The following SPAG17 variants were observed in gnomAD, a reference collection of about 807,000 sequenced individuals.
SPAG17 encodes sperm associated antigen 17.
Under a neutral mutation model 273.6 loss-of-function variants are expected in SPAG17, and 169 were observed. The observed-to-expected ratio is 0.62, with a 90% CI of 0.55 to 0.70. SPAG17 has a LOEUF of 0.70. Among genes scored for constraint, SPAG17 ranks in the 30% least tolerant of loss-of-function variants. The pLI is 0.00. For missense variants in SPAG17, 2,557 were observed against 2,627.8 expected (o/e 0.97, Z 0.59); for synonymous variants, 825 against 873.2 (o/e 0.94, Z 0.97).
At chr1:118,124,804 T>C (rs1294832518) in intron 3 of SPAG17, among the ~76,000 whole-genome samples, 1 of 152,212 alleles carries the variant, frequency 6.6e-6, no homozygotes, top group Non-Finnish European at 1.5e-5. Flanking sequence ...AGAGATGGGA[T>C]TTGAACCCAG....
intron 1 of SPAG17, among the ~76,000 whole-genome samples, chr1:118,168,871 A>C (rs1660291488): frequency 6.6e-6 from 1 of 152,142 alleles, no homozygotes; most frequent in South Asian, 2.1e-4. Context: ...CAGGCCAGGA[A>C]ACTGCATGGG....
At chr1:118,075,254 T>G (rs2102115510) in intron 15 of SPAG17, among the ~76,000 whole-genome samples, 1 of 152,346 alleles carries the variant, frequency 6.6e-6, no homozygotes, top group East Asian at 1.9e-4. Flanking sequence ...ATACGAGTCA[T>G]GCACACTATG....
intron 1 of SPAG17, among the ~76,000 whole-genome samples, chr1:118,167,029 T>C (rs1198783447): frequency 6.6e-6 from 1 of 152,158 alleles, no homozygotes; most frequent in Non-Finnish European, 1.5e-5. Flanking sequence ...TAACACATTA[T>C]GTTAAAAGTT....
At chr1:117,959,163 A>C in intron 48 of SPAG17, 1 of 1,374,936 alleles carries the variant, frequency 7.3e-7, no homozygotes, top group Non-Finnish European at 9.8e-7. Flanking sequence ...AAAAACAAAC[A>C]AGAAAAGTTC....
chr1:118,167,812 G>A (rs1007782411), intron 1 of SPAG17, among the ~76,000 whole-genome samples: 4 of 152,122 alleles, frequency 2.6e-5, no homozygotes, highest in Non-Finnish European at 4.4e-5. Flanking sequence ...CTGGTGGGAG[G>A]TGACTGGGTC....
intron 3 of SPAG17, among the ~76,000 whole-genome samples, chr1:118,144,178 G>T (rs1375863885): frequency 6.6e-6 from 1 of 152,192 alleles, no homozygotes; most frequent in Non-Finnish European, 1.5e-5. Flanking sequence ...TGATCTGGGA[G>T]GCAAACGTAT....
chr1:118,152,703 T>C (rs559195367), intron 1 of SPAG17, among the ~76,000 whole-genome samples: 2 of 152,324 alleles, frequency 1.3e-5, no homozygotes, highest in Non-Finnish European at 2.9e-5. Flanking sequence ...TCCTCTGTTA[T>C]AATGAGTTGA....
chr1:118,088,423 T>C (rs1340634608), intron 10 of SPAG17, among the ~76,000 whole-genome samples: 1 of 152,332 alleles, frequency 6.6e-6, no homozygotes, highest in Non-Finnish European at 1.5e-5. Context: ...CTGCAAGTTC[T>C]AGAGAGCTTT....
chr1:118,091,209 T>C (rs1408938226), intron 10 of SPAG17, among the ~76,000 whole-genome samples: 5 of 152,118 alleles, frequency 3.3e-5, no homozygotes, highest in African/African-American at 1.2e-4. Context: ...AAAAAGCTGA[T>C]GACAAAAATT....
chr1:117,980,862 T>C (rs1208710822), intron 43 of SPAG17, among the ~76,000 whole-genome samples: 1 of 152,214 alleles, frequency 6.6e-6, no homozygotes, highest in Non-Finnish European at 1.5e-5. Flanking sequence ...ATTTTTCTTC[T>C]AGCACCTGCA....
intron 48 of SPAG17, chr1:117,957,258 A>G: frequency 6.5e-7 from 1 of 1,543,244 alleles, no homozygotes. Context: ...TAGTACCTTA[A>G]CTGAAGCTGT....
intron 1 of SPAG17, among the ~76,000 whole-genome samples, chr1:118,156,975 G>T (rs1191583469): frequency 1.3e-5 from 2 of 152,080 alleles, no homozygotes; most frequent in East Asian, 1.9e-4. Context: ...AGCAACTACT[G>T]CTTGATTCAC....
intron 48 of SPAG17, chr1:117,961,311 GTA>G (rs1396699146): frequency 3.3e-5 from 5 of 152,016 alleles, no homozygotes; most frequent in Non-Finnish European, 1.5e-5. Flanking sequence ...AAAAAAATCT[GTA>G]TAACAGTGGA....
At chr1:118,027,681 C>T (rs1210529592) in intron 26 of SPAG17, among the ~76,000 whole-genome samples, 1 of 152,152 alleles carries the variant, frequency 6.6e-6, no homozygotes, top group Non-Finnish European at 1.5e-5. Flanking sequence ...GCAGATGCCT[C>T]ATCAGGTTAA....
intron 40 of SPAG17, among the ~76,000 whole-genome samples, chr1:117,985,610 T>A (rs768399862): frequency 2.0e-5 from 3 of 152,184 alleles, no homozygotes; most frequent in Non-Finnish European, 4.4e-5. Flanking sequence ...TTTTTCACGT[T>A]AGGAAAATAA....
rs1480671549 is a variant in SPAG17 at position 118,045,866 on chromosome 1, TG to T, written c.2815-3825del. 2.0e-5 allele frequency among the ~76,000 whole-genome samples: 3 copies of T among 152,014 alleles called. No individual in the cohort carries two copies. The East Asian group carries it at 5.8e-4, about 29-fold the overall frequency. ...CGGAAAGTTGCAGATTCAGTCGGTG[TG>T]GGGAAAAAAACACCCACAAATTTAC... On this transcript the variant is annotated intron_variant, in intron 20 of 48. Transcript: ENST00000336338.
intron 35 of SPAG17, 75 bp from the exon 36 acceptor site, chr1:117,992,723 C>A: frequency 8.1e-7 from 1 of 1,233,634 alleles, no homozygotes; most frequent in South Asian, 1.9e-5. Flanking sequence ...TTTAACTGTT[C>A]ATTTATTACA....
intron 18 of SPAG17, among the ~76,000 whole-genome samples, chr1:118,062,353 C>T (rs1322350743): frequency 4.3e-5 from 3 of 69,284 alleles, no homozygotes; most frequent in African/African-American, 1.8e-4. Context: ...GGCGACAGAG[C>T]GAGACTCCAT....
At chr1:118,131,097 A>G (rs969764631) in intron 3 of SPAG17, among the ~76,000 whole-genome samples, 11 of 152,352 alleles carry the variant, frequency 7.2e-5, no homozygotes, top group African/African-American at 2.4e-4. Context: ...ACACTTCCTT[A>G]GGATATAGAT....
Sources: allele counts gnomAD v4.1 joint callset (sites outside exome capture counted in the v4.1 genomes callset), GRCh38; gene constraint gnomAD v4.1.1; transcripts MANE v1.5; gene names NCBI Gene and HGNC (gene_info 2026-07-23, HGNC 2026-07-21).